Variants in ADAM32 observed in about 807,000 individuals in gnomAD.
ADAM32 encodes ADAM metallopeptidase domain 32, also known as disintegrin and metalloproteinase domain-containing protein 32.
Under a neutral mutation model 114.9 loss-of-function variants are expected in ADAM32, and 89 were observed. That is an observed-to-expected ratio of 0.77 (90% CI 0.65 to 0.92). The LOEUF (loss-of-function observed/expected upper bound fraction) is 0.92. Among genes scored for constraint, ADAM32 ranks in the 40% least tolerant of loss-of-function variants. The pLI is 0.00. For synonymous variants in ADAM32, 285 were observed against 307.5 expected, an observed-to-expected ratio of 0.93 and a Z score of 0.77; for missense variants, 870 against 932.8, an observed-to-expected ratio of 0.93 and a Z score of 0.88.
At chr8:39,157,016 A>G (rs1804192286) in intron 6 of ADAM32, among the ~76,000 whole-genome samples, 1 of 152,150 alleles carries the variant, frequency 6.6e-6, no homozygotes, top group East Asian at 1.9e-4. Flanking sequence ...TTATCTGGGA[A>G]TGTCTTAATT....
intron 11 of ADAM32, among the ~76,000 whole-genome samples, chr8:39,202,803 A>G (rs1186846845): frequency 6.6e-6 from 1 of 152,088 alleles, no homozygotes; most frequent in Non-Finnish European, 1.5e-5. Context: ...ACTGCTTTGA[A>G]TGTGTCCCAG....
At chr8:39,244,411 A>G (rs1810760299) in intron 16 of ADAM32, among the ~76,000 whole-genome samples, 1 of 152,250 alleles carries the variant, frequency 6.6e-6, no homozygotes, top group African/African-American at 2.4e-5. Flanking sequence ...CTACCAGGCT[A>G]TAATCACCAG....
intron 17 of ADAM32, among the ~76,000 whole-genome samples, chr8:39,251,543 A>AT (rs1425594992): frequency 1.3e-5 from 2 of 151,412 alleles, no homozygotes; most frequent in Non-Finnish European, 3.0e-5. Context: ...TCTTTTGCCC[A>AT]TTTTTTTAAT....
chr8:39,205,824 A>G (rs1807793415), intron 11 of ADAM32, among the ~76,000 whole-genome samples: 1 of 152,166 alleles, frequency 6.6e-6, no homozygotes, highest in Non-Finnish European at 1.5e-5. Flanking sequence ...GTTTTGTCTC[A>G]CTAAGTTTCT....
intron 19 of ADAM32, among the ~76,000 whole-genome samples, chr8:39,257,962 C>CA (rs983631846): frequency 7.2e-5 from 11 of 152,076 alleles, no homozygotes; most frequent in Non-Finnish European, 1.5e-4. Context: ...CCCCTTCCCT[C>CA]CCTGTAGAGG....
chr8:39,133,434 T>C (rs1312490136), intron 2 of ADAM32, among the ~76,000 whole-genome samples: 1 of 152,226 alleles, frequency 6.6e-6, no homozygotes, highest in Non-Finnish European at 1.5e-5. Flanking sequence ...TGTTTGTGAC[T>C]GGGGACTGTG....
At chr8:39,132,656 G>A (rs1250248454) in intron 2 of ADAM32, among the ~76,000 whole-genome samples, 1 of 151,984 alleles carries the variant, frequency 6.6e-6, no homozygotes, top group African/African-American at 2.4e-5. Context: ...TTTCCTATTA[G>A]CCTAAATAAA....
At chr8:39,247,238 A>C (rs1192863476) in intron 17 of ADAM32, among the ~76,000 whole-genome samples, 1 of 152,192 alleles carries the variant, frequency 6.6e-6, no homozygotes, top group Non-Finnish European at 1.5e-5. Context: ...TTGCTGTATC[A>C]TATCGTAAGA....
intron 11 of ADAM32, among the ~76,000 whole-genome samples, chr8:39,197,734 A>G (rs963659426): frequency 6.6e-6 from 1 of 152,194 alleles, no homozygotes; most frequent in Non-Finnish European, 1.5e-5. Flanking sequence ...GTGGCCTAAC[A>G]TGTGGACTAT....
chr8:39,214,782 C>A (rs1284305651), intron 12 of ADAM32, among the ~76,000 whole-genome samples: 1 of 151,934 alleles, frequency 6.6e-6, no homozygotes, highest in African/African-American at 2.4e-5. Context: ...GTCCTGGAGA[C>A]TTTCTCTAAT....
At chr8:39,217,806 G>A (rs951701216) in intron 12 of ADAM32, among the ~76,000 whole-genome samples, 2 of 152,106 alleles carry the variant, frequency 1.3e-5, no homozygotes, top group Non-Finnish European at 2.9e-5. Flanking sequence ...CCTCAAAATA[G>A]CTATGTTGAA....
Position 39,253,082 on chromosome 8 carries a change from G to A in ADAM32, c.1903-1332G>A, listed in dbSNP as rs957213584. Among the ~76,000 whole-genome samples, 10 of 151,636 alleles carry A rather than the reference G, an allele frequency of 6.6e-5. No homozygotes were observed. In the South Asian group the frequency reaches 1.5e-3, roughly 22 times the overall value. On this transcript the variant is annotated intron_variant, in intron 17 of 24. Transcript: ENST00000379907. ...CATTAACAAACTATATTTGCCGCAC[G>A]TTAAAAGAATCATACACTATGACCA...
At chr8:39,174,653 TC>T (rs1174844453) in intron 10 of ADAM32, among the ~76,000 whole-genome samples, 1 of 96,516 alleles carries the variant, frequency 1.0e-5, no homozygotes, top group South Asian at 4.4e-4. Context: ...GTGCTATCCC[TC>T]CCCCCTCCCC....
At chr8:39,204,798 G>A (rs1285693749) in intron 11 of ADAM32, among the ~76,000 whole-genome samples, 3 of 152,198 alleles carry the variant, frequency 2.0e-5, no homozygotes, top group African/African-American at 7.2e-5. Context: ...ACGTACAGAT[G>A]GGGTTTTGGT....
intron 2 of ADAM32, among the ~76,000 whole-genome samples, chr8:39,135,246 T>C (rs1431383001): frequency 6.6e-6 from 1 of 152,238 alleles, no homozygotes; most frequent in East Asian, 1.9e-4. Flanking sequence ...GGAGCTAGTG[T>C]CACCAATGCA....
chr8:39,265,756 T>C (rs945377575), intron 19 of ADAM32, among the ~76,000 whole-genome samples: 1 of 152,116 alleles, frequency 6.6e-6, no homozygotes, highest in Admixed American at 6.6e-5. Context: ...CTTAATAGTG[T>C]TGGGGGGCTA....
intron 23 of ADAM32, among the ~76,000 whole-genome samples, chr8:39,281,479 C>T (rs1813413794): frequency 6.6e-6 from 1 of 152,152 alleles, no homozygotes; most frequent in Non-Finnish European, 1.5e-5. Context: ...ATAAGCTGAA[C>T]ATTTTGCATC....
At chr8:39,281,654 A>G (rs1813425484) in intron 23 of ADAM32, among the ~76,000 whole-genome samples, 1 of 152,186 alleles carries the variant, frequency 6.6e-6, no homozygotes, top group African/African-American at 2.4e-5. Context: ...ACAGATCCTC[A>G]ATGTCCCACA....
intron 3 of ADAM32, among the ~76,000 whole-genome samples, chr8:39,146,688 G>C (rs1803527189): frequency 1.3e-5 from 2 of 152,162 alleles, no homozygotes; most frequent in Non-Finnish European, 2.9e-5. Context: ...TGGGATTACA[G>C]GTGTGAGCCA....
Sources: allele counts gnomAD v4.1 joint callset (sites outside exome capture counted in the v4.1 genomes callset), GRCh38; gene constraint gnomAD v4.1.1; transcripts MANE v1.5; gene names NCBI Gene and HGNC (gene_info 2026-07-23, HGNC 2026-07-21).